NR3C2: variants seen among roughly 807,000 people sequenced by gnomAD.
The protein encoded by NR3C2 is nuclear receptor subfamily 3 group C member 2.
Under a neutral mutation model 86.4 loss-of-function variants are expected in NR3C2, and 15 were observed. That is an observed-to-expected ratio of 0.17 (90% CI 0.12 to 0.27). The LOEUF (loss-of-function observed/expected upper bound fraction) is 0.27. Ranked by LOEUF, NR3C2 falls within the 10% of genes least tolerant of loss-of-function variation. The probability of loss-of-function intolerance (pLI) is 1.00; values close to 1 mark genes in which losing one functional copy is unlikely to be tolerated. For missense variants in NR3C2, 960 were observed against 1,195.6 expected (o/e 0.80, Z 2.91); for synonymous variants, 458 against 450.5 (o/e 1.02, Z -0.21).
intron 4 of NR3C2, among the ~76,000 whole-genome samples, chr4:148,157,442 A>G (rs1734451263): frequency 6.6e-6 from 1 of 152,172 alleles, no homozygotes; most frequent in South Asian, 2.1e-4. Context: ...TAGAATAAGG[A>G]AACAGAGACC....
intron 8 of NR3C2, among the ~76,000 whole-genome samples, chr4:148,096,461 C>CA (rs1351882051): frequency 1.3e-5 from 2 of 151,986 alleles, no homozygotes; most frequent in East Asian, 3.9e-4. Context: ...TCAATCTCCC[C>CA]AAAAAAGGAA....
intron 5 of NR3C2, among the ~76,000 whole-genome samples, chr4:148,153,145 C>CT (rs1734181405): frequency 6.6e-6 from 1 of 151,982 alleles, no homozygotes; most frequent in African/African-American, 2.4e-5. Context: ...GGCACCTGTC[C>CT]TCCCTGCCTG....
intron 2 of NR3C2, among the ~76,000 whole-genome samples, chr4:148,324,054 A>T (rs1225171912): frequency 6.6e-6 from 1 of 152,152 alleles, no homozygotes; most frequent in Non-Finnish European, 1.5e-5. Context: ...GGTGCAAATG[A>T]CAAGCAGCTG....
At chr4:148,431,838 G>A (rs1438702046) in intron 2 of NR3C2, among the ~76,000 whole-genome samples, 3 of 152,060 alleles carry the variant, frequency 2.0e-5, no homozygotes, top group Admixed American at 6.6e-5. Context: ...CCTCCAAAGC[G>A]TGTATAGAAG....
chr4:148,226,134 T>C (rs1738149864), intron 3 of NR3C2, among the ~76,000 whole-genome samples: 1 of 152,176 alleles, frequency 6.6e-6, no homozygotes, highest in African/African-American at 2.4e-5. Flanking sequence ...CCTCAAAATT[T>C]CAGTAAGATC....
At chr4:148,129,045 G>T (rs545089187) in intron 6 of NR3C2, among the ~76,000 whole-genome samples, 3 of 152,298 alleles carry the variant, frequency 2.0e-5, no homozygotes, top group Admixed American at 2.0e-4. Flanking sequence ...ATCTCTGCAG[G>T]AAGTGAAAGC....
intron 2 of NR3C2, among the ~76,000 whole-genome samples, chr4:148,392,757 G>A (rs868331834): frequency 4.4e-4 from 67 of 152,300 alleles, no homozygotes; most frequent in African/African-American, 1.3e-3. Context: ...ATAAAATACT[G>A]TAACAGAAGC....
At chr4:148,426,945 ATTTCTT>A (rs923219844) in intron 2 of NR3C2, among the ~76,000 whole-genome samples, 15 of 150,922 alleles carry the variant, frequency 9.9e-5, no homozygotes, top group South Asian at 8.4e-4. Flanking sequence ...TGACCTCTTC[ATTTCTT>A]TTTCTTTTTC....
chr4:148,260,246 T>A, intron 2 of NR3C2, 129 bp from the exon 3 acceptor site: 1 of 1,154,684 alleles, frequency 8.7e-7, no homozygotes. Context: ...GACCACATAC[T>A]ATGTGACTTA....
chr4:148,130,982 C>G (rs1733019038), intron 6 of NR3C2, among the ~76,000 whole-genome samples: 1 of 151,984 alleles, frequency 6.6e-6, no homozygotes, highest in Non-Finnish European at 1.5e-5. Flanking sequence ...AGGCGCCCGC[C>G]ACAATGCCTG....
chr4:148,147,412 C>T (rs2149759607), intron 6 of NR3C2, among the ~76,000 whole-genome samples: 1 of 152,322 alleles, frequency 6.6e-6, no homozygotes, highest in African/African-American at 2.4e-5. Context: ...GAAATGTAAA[C>T]TTAGGAAGCC....
At chr4:148,444,940 C>G (rs1394279541), upstream of NR3C2, 1 of 984,944 alleles carries the variant, frequency 1.0e-6, no homozygotes, top group Non-Finnish European at 1.2e-6. Flanking sequence ...CCTGGGTGGC[C>G]GGTGACAGCT....
At position 148,154,914 on chromosome 4, in the gene NR3C2, A is replaced by G. The variant is rs1734289451; in HGVS notation, c.2015-13T>C. On this transcript the variant is annotated splice_polypyrimidine_tract_variant and intron_variant, in intron 4 of 8. Transcript: ENST00000358102. ...TTTGACTTTCGTGCTATAAGAAACC[A>G]TAAATGATAAGGCCAAATTAAAATT... 4 of 1,543,604 alleles carry G rather than the reference A, an allele frequency of 2.6e-6. No homozygotes were observed. In the African/African-American group the frequency reaches 4.1e-5, roughly 16 times the overall value.
chr4:148,087,594 A>G (rs774800268), intron 8 of NR3C2, among the ~76,000 whole-genome samples: 18 of 152,188 alleles, frequency 1.2e-4, no homozygotes, highest in Non-Finnish European at 2.6e-4. Context: ...TCTTTGACAA[A>G]CCTGAAAAAA....
chr4:148,262,594 T>C (rs1370445620), intron 2 of NR3C2, among the ~76,000 whole-genome samples: 2 of 152,204 alleles, frequency 1.3e-5, no homozygotes, highest in Non-Finnish European at 2.9e-5. Flanking sequence ...AAAATTCATA[T>C]GCTGAAGTCC....
intron 2 of NR3C2, among the ~76,000 whole-genome samples, chr4:148,286,090 G>A (rs979879204): frequency 1.3e-5 from 2 of 152,164 alleles, no homozygotes; most frequent in Non-Finnish European, 2.9e-5. Context: ...AGAAATAGTT[G>A]AAAAATGTTT....
intron 4 of NR3C2, among the ~76,000 whole-genome samples, chr4:148,170,332 A>G (rs757813473): frequency 6.6e-6 from 1 of 152,262 alleles, no homozygotes; most frequent in Non-Finnish European, 1.5e-5. Flanking sequence ...TATATAAAAA[A>G]CAATCAAATG....
intron 6 of NR3C2, among the ~76,000 whole-genome samples, chr4:148,136,087 A>AAAAAAAAC (rs1560940053): frequency 1.1e-4 from 9 of 79,238 alleles, no homozygotes; most frequent in African/African-American, 3.9e-4. Context: ...CAAAAAAAAA[A>AAAAAAAAC]AACACCACCA....
At chr4:148,168,254 G>A (rs987748549) in intron 4 of NR3C2, among the ~76,000 whole-genome samples, 1 of 152,138 alleles carries the variant, frequency 6.6e-6, no homozygotes, top group Admixed American at 6.5e-5. Flanking sequence ...CCTTATGGAA[G>A]GGGCAAGTGA....
Sources: gnomAD v4.1 joint callset for allele counts (sites outside exome capture counted in the v4.1 genomes callset) on GRCh38, gnomAD v4.1.1 for gene constraint, MANE v1.5 for transcripts, NCBI Gene and HGNC (gene_info 2026-07-23, HGNC 2026-07-21) for gene names.